The following ARHGAP6 variants were observed in gnomAD, a reference collection of about 807,000 sequenced individuals.
ARHGAP6 encodes the protein Rho GTPase activating protein 6.
In ARHGAP6, 16 loss-of-function variants were observed where a neutral mutation model predicts 55.7. The observed-to-expected ratio is 0.29, with a 90% CI of 0.19 to 0.44. The LOEUF (loss-of-function observed/expected upper bound fraction) is 0.44. ARHGAP6 is among the 20% of genes least tolerant of loss of function. The pLI is 1.00. For missense variants in ARHGAP6, 698 were observed against 808.9 expected (o/e 0.86, Z 1.66); for synonymous variants, 382 against 360.9 (o/e 1.06, Z -0.66).
At chrX:11,408,794 G>C (rs929483984) in intron 1 of ARHGAP6, among the ~76,000 whole-genome samples, 3 of 110,224 alleles carry the variant, frequency 2.7e-5, no homozygotes, top group African/African-American at 9.9e-5. Context: ...GCAATGCTAT[G>C]GGTATCCTGG....
chrX:11,138,902 C>G lies in ARHGAP6; in HGVS notation c.2886G>C (p.Ser962=). The change falls in exon 13 of 13, where the codon TCG becomes TCC. Residue 962 remains serine, a synonymous_variant. Transcript: ENST00000337414. ...CGGGCAGGGCATCGGGGTTGTCGGTCGACAGGAGCTCCCAGATCTGCCAGC... is the reference window on the plus strand; with the variant it reads ...CGGGCAGGGCATCGGGGTTGTCGGTGGACAGGAGCTCCCAGATCTGCCAGC... The part of the protein sequence containing the change: ...RERWQIWELL[S]TDNPDALPET... 8.4e-7 allele frequency: 1 copy of G among 1,186,720 alleles called. No homozygotes were observed. Among genetic ancestry groups the G allele is most frequent in the Non-Finnish European group, 1.1e-6 (1 of 888,330 alleles).
At chrX:11,563,481 A>G (rs924840786) in intron 1 of ARHGAP6, among the ~76,000 whole-genome samples, 6 of 111,855 alleles carry the variant, frequency 5.4e-5, no homozygotes, top group African/African-American at 1.9e-4. Context: ...ATATAATCAG[A>G]AGCACATTAA....
intron 1 of ARHGAP6, among the ~76,000 whole-genome samples, chrX:11,374,817 A>T (rs1174806503): frequency 8.9e-6 from 1 of 111,778 alleles, no homozygotes; most frequent in Non-Finnish European, 1.9e-5. Context: ...TGGTTGACTC[A>T]TCCTTTAAAT....
chrX:11,635,707 T>G (rs1023132677), intron 1 of ARHGAP6, among the ~76,000 whole-genome samples: 1 of 111,472 alleles, frequency 9.0e-6, no homozygotes, highest in African/African-American at 3.3e-5. Flanking sequence ...TCTCTTTAAA[T>G]AACCAGCATT....
At chrX:11,398,190 T>C (rs901544303) in intron 1 of ARHGAP6, among the ~76,000 whole-genome samples, 18 of 105,344 alleles carry the variant, frequency 1.7e-4, no homozygotes, top group African/African-American at 4.5e-4. Flanking sequence ...AGGGTTGTTA[T>C]GAAGATTAAA....
intron 1 of ARHGAP6, among the ~76,000 whole-genome samples, chrX:11,609,486 C>T (rs2052077051): frequency 9.0e-6 from 1 of 111,500 alleles, no homozygotes; most frequent in African/African-American, 3.3e-5. Flanking sequence ...CCCCGCTTGA[C>T]ATTTTCAGGT....
At chrX:11,207,559 T>C (rs1432383736) in intron 2 of ARHGAP6, among the ~76,000 whole-genome samples, 1 of 111,663 alleles carries the variant, frequency 9.0e-6, no homozygotes, top group Non-Finnish European at 1.9e-5. Context: ...TCACTGCATC[T>C]GTTCTACACT....
intron 1 of ARHGAP6, among the ~76,000 whole-genome samples, chrX:11,442,810 T>A (rs2050052998): frequency 8.9e-6 from 1 of 111,775 alleles, no homozygotes; most frequent in African/African-American, 3.3e-5. Flanking sequence ...TTTATTCCAT[T>A]TGTGAATAAG....
intron 1 of ARHGAP6, chrX:11,265,979 G>A: frequency 2.1e-6 from 2 of 934,820 alleles, no homozygotes; most frequent in Non-Finnish European, 2.7e-6. Flanking sequence ...GGCAGGCTGT[G>A]TCCCTGAGTA....
chrX:11,516,470 C>G (rs1474747342), intron 1 of ARHGAP6, among the ~76,000 whole-genome samples: 1 of 111,959 alleles, frequency 8.9e-6, no homozygotes, highest in African/African-American at 3.2e-5. Context: ...CATCCTTTTT[C>G]TTCTAAAAAT....
intron 2 of ARHGAP6, among the ~76,000 whole-genome samples, chrX:11,216,046 G>A (rs1399888966): frequency 9.0e-6 from 1 of 111,174 alleles, no homozygotes; most frequent in Admixed American, 9.6e-5. Context: ...GACTTAAACC[G>A]CAAAGAGCTT....
intron 1 of ARHGAP6, among the ~76,000 whole-genome samples, chrX:11,591,175 G>T (rs1266454658): frequency 9.2e-6 from 1 of 108,429 alleles, no homozygotes; most frequent in Admixed American, 9.9e-5. Flanking sequence ...CTGGGTGACA[G>T]AGCAAGACTC....
intron 1 of ARHGAP6, among the ~76,000 whole-genome samples, chrX:11,276,384 A>G (rs1280948804): frequency 8.9e-6 from 1 of 112,312 alleles, no homozygotes; most frequent in Non-Finnish European, 1.9e-5. Context: ...TTGAAAGAAA[A>G]TTTGAAGGAG....
At chrX:11,539,658 C>A (rs948868460) in intron 1 of ARHGAP6, among the ~76,000 whole-genome samples, 24 of 111,475 alleles carry the variant, frequency 2.2e-4, no homozygotes, top group Non-Finnish European at 1.9e-5. Flanking sequence ...CCTAAGCGAT[C>A]CAACATCAGA....
intron 1 of ARHGAP6, chrX:11,427,714 C>A (rs2049898345): frequency 8.8e-6 from 7 of 795,252 alleles, no homozygotes; most frequent in East Asian, 1.5e-4. Context: ...CTGCTCCGTG[C>A]GTGCCGAGTG....
chrX:11,336,705 G>A (rs2048641986), intron 1 of ARHGAP6, among the ~76,000 whole-genome samples: 2 of 111,692 alleles, frequency 1.8e-5, no homozygotes, highest in Non-Finnish European at 3.8e-5. Context: ...ATATAAAAAT[G>A]GCAATTTAAG....
At chrX:11,649,995 T>C (rs913673808) in intron 1 of ARHGAP6, among the ~76,000 whole-genome samples, 14 of 104,975 alleles carry the variant, frequency 1.3e-4, no homozygotes, top group African/African-American at 1.4e-4. Context: ...TCTTTTCTTT[T>C]TTTTTTTTTT....
intron 1 of ARHGAP6, among the ~76,000 whole-genome samples, chrX:11,531,597 C>CTTT (rs11382998): frequency 1.1e-3 from 114 of 102,822 alleles, no homozygotes; most frequent in African/African-American, 3.8e-3. Context: ...ACAGGGGGTT[C>CTTT]TTTTTTTTTT....
Position 11,427,720 on chromosome X carries a change from G to A in ARHGAP6, c.589-173013C>T, listed in dbSNP as rs192498631. The A allele has an allele frequency of 2.2e-3, 1,703 of 789,383 alleles. 28 individuals carry two copies. In the African/African-American group the frequency reaches 0.036, roughly 17 times the overall value. The allele number at this position is 789,383 out of a possible 1,213,427, so 65.1% of individuals were successfully genotyped here. On this transcript the variant is annotated intron_variant, in intron 1 of 12. Coordinates refer to ENST00000337414, the MANE Select transcript of ARHGAP6 (RefSeq NM_013427.3). ...GCGCGAGCCCTGCTCCGTGCGTGCC[G>A]AGTGCTGTGCAAAGCGCCCCTGGCA...
Sources: allele counts gnomAD v4.1 joint callset (sites outside exome capture counted in the v4.1 genomes callset), GRCh38; gene constraint gnomAD v4.1.1; transcripts MANE v1.5; gene names NCBI Gene and HGNC (gene_info 2026-07-23, HGNC 2026-07-21).